Variants in EMID1 observed in about 807,000 individuals in gnomAD.
The protein encoded by EMID1 is EMI domain containing 1.
Under a neutral mutation model 60.6 loss-of-function variants are expected in EMID1, and 40 were observed. The observed-to-expected ratio is 0.66, with a 90% confidence interval of 0.51 to 0.86. The LOEUF (loss-of-function observed/expected upper bound fraction) is 0.86, where lower values mean the gene tolerates loss of function less well. Ranked by LOEUF, EMID1 falls within the 40% of genes least tolerant of loss-of-function variation. The pLI, the probability that EMID1 is intolerant of heterozygous loss-of-function variation, is 0.00. For missense variants in EMID1, 585 were observed against 597.1 expected, an observed-to-expected ratio of 0.98 and a Z score of 0.21; for synonymous variants, 242 against 231.0, an observed-to-expected ratio of 1.05 and a Z score of -0.43.
At chr22:29,234,247 G>A (rs757534724) in intron 11 of EMID1, 48 bp downstream of exon 11, 6 of 1,611,142 alleles carry the variant, frequency 3.7e-6, no homozygotes, top group Non-Finnish European at 5.1e-6. Context: ...GGAGTCCTGA[G>A]GGCCCCAGGT....
At chr22:29,227,000 C>A (rs73401032) in intron 5 of EMID1, among the ~76,000 whole-genome samples, 3,872 of 152,132 alleles carry the variant, frequency 0.025, 158 homozygotes, top group African/African-American at 0.089. Flanking sequence ...TCTATCCCCC[C>A]AACCCCCATC....
chr22:29,222,234 C>T (rs1434269752), intron 3 of EMID1, among the ~76,000 whole-genome samples: 1 of 152,100 alleles, frequency 6.6e-6, no homozygotes, highest in Non-Finnish European at 1.5e-5. Context: ...GCTGGGACTA[C>T]AGGCATGCGC....
rs528427993 is a variant in EMID1 at position 29,235,207 on chromosome 22, G to T, written c.1074+858G>T. On this transcript the variant is annotated intron_variant, in intron 12 of 14. Coordinates refer to ENST00000334018, the MANE Select transcript of EMID1 (RefSeq NM_133455.4). Reference sequence around the variant, plus strand: ...TACTAAATATACAAAAATTAGCCAGGCATGGTGGTAGGCACCTGTAATCCC... The same window carrying T: ...TACTAAATATACAAAAATTAGCCAGTCATGGTGGTAGGCACCTGTAATCCC... Among the ~76,000 whole-genome samples, 9 of 152,128 alleles carry T rather than the reference G, an allele frequency of 5.9e-5. 1 individual carries two copies. The South Asian group carries it at 1.9e-3, about 32-fold the overall frequency.
intron 14 of EMID1, chr22:29,255,203 G>A (rs570577319): frequency 4.6e-5 from 4 of 87,288 alleles, no homozygotes; most frequent in South Asian, 2.1e-4. Flanking sequence ...CACCCTCCCC[G>A]CTTGGCTCCC....
intron 1 of EMID1, among the ~76,000 whole-genome samples, chr22:29,210,572 G>T (rs1408703517): frequency 6.6e-6 from 1 of 151,946 alleles, no homozygotes; most frequent in African/African-American, 2.4e-5. Context: ...TCACTCTATT[G>T]CCCAGGCTGT....
At chr22:29,252,089 G>A (rs2041549065) in intron 13 of EMID1, among the ~76,000 whole-genome samples, 1 of 152,242 alleles carries the variant, frequency 6.6e-6, no homozygotes, top group South Asian at 2.1e-4. Context: ...GATTAGAGGT[G>A]TAAGTCACTG....
intron 12 of EMID1, among the ~76,000 whole-genome samples, chr22:29,238,254 AATTATT>A (rs3066719): frequency 0.065 from 7,621 of 116,574 alleles, 922 homozygotes; most frequent in African/African-American, 0.16. Flanking sequence ...TTTTTCTAAA[AATTATT>A]ATTATTATTA....
chr22:29,215,154 C>A, intron 2 of EMID1, 115 bp downstream of exon 2: 1 of 1,424,730 alleles, frequency 7.0e-7, no homozygotes, highest in Non-Finnish European at 9.3e-7. Context: ...CCAGGGTGGG[C>A]GGAGCAAAGG....
At position 29,218,883 on chromosome 22, in the gene EMID1, G is replaced by A. The variant is rs572773523; in HGVS notation, c.319+3253G>A. 1.3e-4 allele frequency among the ~76,000 whole-genome samples: 20 copies of A among 152,302 alleles called. No individual in the cohort carries two copies. In the South Asian group the frequency reaches 4.1e-3, roughly 32 times the overall value. ...CAGAGAGGGCGTGGGTCTCACATAA[G>A]GTCACACAGCAAGCAAGTATTGTCG... On this transcript the variant is annotated intron_variant, in intron 3 of 14. Coordinates refer to ENST00000334018, the MANE Select transcript of EMID1 (RefSeq NM_133455.4).
In EMID1 at chr22:29,225,168, T is replaced by C; in HGVS notation, c.355T>C (p.Ser119Pro). 1.2e-6 allele frequency: 2 copies of C among 1,613,998 alleles called. No individual in the cohort carries two copies. Among genetic ancestry groups the C allele is most frequent in the Non-Finnish European group, 1.7e-6 (2 of 1,180,002 alleles). Residue 119 changes from serine (S) to proline (P), a missense_variant, in exon 4 of 15, where the codon TCG (serine) becomes CCG (proline). By Grantham distance (74) the Ser-to-Pro change is moderately conservative (BLOSUM62 -1). Coordinates refer to ENST00000334018, the MANE Select transcript of EMID1 (RefSeq NM_133455.4). ...ASSASLEPMW[S>P]GSTMRRMALR... Reference sequence around the variant, plus strand: ...CTCTGCCTCCTTGGAGCCCATGTGGTCGGGCAGTACCATGCGGCGGATGGC... The same window carrying C: ...CTCTGCCTCCTTGGAGCCCATGTGGCCGGGCAGTACCATGCGGCGGATGGC...
intron 2 of EMID1, 128 bp downstream of exon 2, chr22:29,215,167 G>A (rs1455174965): frequency 7.7e-6 from 11 of 1,421,888 alleles, no homozygotes; most frequent in Admixed American, 5.3e-5. Flanking sequence ...AGCAAAGGTA[G>A]CATCAGCCGA....
Position 29,231,084 on chromosome 22 carries a change from C to G in EMID1, c.530C>G (p.Ala177Gly). ...PPTPATPEDP[A>G]PLWGPPPAQG... ...ACACCAGCTACCCCTGAGGACCCTG[C>G]CCCGCTCTGGGGTCCCCCTCCTGCC... Residue 177 changes from alanine (A) to glycine (G), a missense_variant, in exon 6 of 15, where the codon GCC becomes GGC. Transcript: ENST00000334018. 1 of 1,613,918 alleles carries G rather than the reference C, an allele frequency of 6.2e-7. No individual in the cohort carries two copies. The highest frequency in any genetic ancestry group is 8.5e-7 in the Non-Finnish European group (1 of 1,179,892).
At chr22:29,233,333 C>T in intron 8 of EMID1, 46 bp from the exon 9 acceptor site, 4 of 1,604,978 alleles carry the variant, frequency 2.5e-6, no homozygotes, top group Non-Finnish European at 3.4e-6. Flanking sequence ...AGACTAACCA[C>T]CCCACTCTAC....
rs1381321298 is a variant in EMID1, at chr22:29,233,663, C to T, written c.963C>T (p.His321=). 1 of 1,613,884 alleles carries T rather than the reference C, an allele frequency of 6.2e-7. No homozygotes were observed. The highest frequency in any genetic ancestry group is 8.5e-7 in the Non-Finnish European group (1 of 1,179,784). ...CAGGTGTCCCTGGGAGTCCTGGTCA[C>T]ATAGTGAGTAGTTCTCCTTGTACTC... The part of the protein sequence containing the change: ...GPTGVPGSPG[H]IGPPGPTGPK... The change falls in exon 10 of 15, where the codon CAC becomes CAT. Residue 321 remains histidine (H), a synonymous_variant. Coordinates refer to ENST00000334018, the MANE Select transcript of EMID1 (RefSeq NM_133455.4).
intron 1 of EMID1, among the ~76,000 whole-genome samples, chr22:29,209,574 C>T (rs755207433): frequency 5.9e-5 from 9 of 152,242 alleles, no homozygotes; most frequent in Non-Finnish European, 1.0e-4. Context: ...CAACAAACAT[C>T]GCTGAGCGTC....
At chr22:29,244,667 T>C (rs9613846) in intron 13 of EMID1, among the ~76,000 whole-genome samples, 13,863 of 142,792 alleles carry the variant, frequency 0.097, 1,040 homozygotes, top group African/African-American at 0.17. Context: ...GAAAAGAAAA[T>C]AGAAACCTTC....
chr22:29,236,011 T>C (rs2040936714), intron 12 of EMID1, among the ~76,000 whole-genome samples: 1 of 152,174 alleles, frequency 6.6e-6, no homozygotes, highest in African/African-American at 2.4e-5. Flanking sequence ...GTCAGTTTCT[T>C]ATAGAAAACC....
Position 29,259,170 on chromosome 22 carries a change from T to TG in EMID1, c.*232dup. On this transcript the variant is annotated 3_prime_UTR_variant, in exon 15 of 15. Coordinates refer to ENST00000334018, the MANE Select transcript of EMID1 (RefSeq NM_133455.4). Reference sequence around the variant, plus strand: ...TGGGCCTCAGTTTCCCTCTGTGAAGTGGGGGGAGGCAGGCCTTCAAGGAGG... The same window carrying TG: ...TGGGCCTCAGTTTCCCTCTGTGAAGTGGGGGGGAGGCAGGCCTTCAAGGAGG... 1.5e-6 allele frequency: 1 copy of TG among 645,852 alleles called. No individual in the cohort carries two copies. The highest frequency in any genetic ancestry group is 2.5e-6 in the Non-Finnish European group (1 of 400,962). The allele number at this position is 645,852 out of a possible 1,614,324, so 40.0% of individuals were successfully genotyped here.
chr22:29,252,968 C>T (rs2041579467), intron 13 of EMID1, among the ~76,000 whole-genome samples: 1 of 152,184 alleles, frequency 6.6e-6, no homozygotes, highest in African/African-American at 2.4e-5. Context: ...GCAAGTTCTC[C>T]AAAAGCAATG....
Sources: gnomAD v4.1 joint callset for allele counts (sites outside exome capture counted in the v4.1 genomes callset) on GRCh38, gnomAD v4.1.1 for gene constraint, MANE v1.5 for transcripts, NCBI Gene and HGNC (gene_info 2026-07-23, HGNC 2026-07-21) for gene names.